PLB1: variants seen among roughly 807,000 people sequenced by gnomAD.
PLB1 encodes phospholipase B1, membrane-associated.
Under a neutral mutation model 227.4 loss-of-function variants are expected in PLB1, and 242 were observed. The observed-to-expected ratio is 1.06, with a 90% confidence interval of 0.96 to 1.18. PLB1 has a LOEUF of 1.18. Ranked by LOEUF, PLB1 falls within the 50% of genes most tolerant of loss-of-function variation. The probability of loss-of-function intolerance (pLI) is 0.00; values close to 1 mark genes in which losing one functional copy is unlikely to be tolerated. For synonymous variants in PLB1, 757 were observed against 682.2 expected (o/e 1.11, Z -1.71); for missense variants, 1,858 against 1,816.3 (o/e 1.02, Z -0.42).
At position 28,566,815 on chromosome 2, in the gene PLB1, A is replaced by T; in HGVS notation, c.1300A>T (p.Ile434Phe). ...TTACAGCGTCGGCGGAGATGAGAAC[A>T]TCGGCACCGTTACCACCCTGGCGAG... is the stretch of plus-strand genomic sequence containing the variant. ...LSWSVGGDENIGTVTTLANIL... is the reference protein window; with the variant it reads ...LSWSVGGDENFGTVTTLANIL... Residue 434 changes from isoleucine to phenylalanine, a missense_variant, in exon 20 of 58, where the codon ATC (isoleucine) becomes TTC (phenylalanine). Coordinates refer to ENST00000327757, the MANE Select transcript of PLB1 (RefSeq NM_153021.5). 31 of 1,614,094 alleles carry T rather than the reference A, an allele frequency of 1.9e-5. No individual in the cohort carries two copies. Among genetic ancestry groups the T allele is most frequent in the Non-Finnish European group, 2.6e-5 (31 of 1,180,012 alleles).
intron 20 of PLB1, 21 bp downstream of exon 20, chr2:28,566,860 G>A (rs1291314541): frequency 2.5e-6 from 4 of 1,613,724 alleles, no homozygotes; most frequent in Non-Finnish European, 2.5e-6. Context: ...GGCGGCGGCC[G>A]GGATGTTTGG....
At chr2:28,592,538 C>T in intron 31 of PLB1, 123 bp from the exon 32 acceptor site, 1 of 958,806 alleles carries the variant, frequency 1.0e-6, no homozygotes, top group Non-Finnish European at 1.7e-6. Context: ...TGTGCACACC[C>T]AGCCCTGCAT....
intron 52 of PLB1, 92 bp from the exon 53 acceptor site, chr2:28,629,002 T>G: frequency 2.9e-6 from 3 of 1,050,808 alleles, no homozygotes; most frequent in Non-Finnish European, 4.2e-6. Flanking sequence ...ATTGGTAAAA[T>G]TGAGGGGAGT....
chr2:28,511,482 T>A (rs1205347105), intron 1 of PLB1, among the ~76,000 whole-genome samples: 1 of 152,234 alleles, frequency 6.6e-6, no homozygotes, highest in Non-Finnish European at 1.5e-5. Flanking sequence ...CATTCCTTTT[T>A]ACATCACCAA....
intron 32 of PLB1, among the ~76,000 whole-genome samples, chr2:28,593,380 G>A (rs1157397128): frequency 1.3e-5 from 2 of 152,226 alleles, no homozygotes; most frequent in South Asian, 2.1e-4. Context: ...TCTCACGTTT[G>A]TAAAACACTT....
intron 1 of PLB1, among the ~76,000 whole-genome samples, chr2:28,512,688 C>CTTTT (rs34213887): frequency 7.0e-6 from 1 of 143,142 alleles, no homozygotes; most frequent in African/African-American, 2.6e-5. Context: ...TTTCTTTCTT[C>CTTTT]TTTTTTTTTT....
intron 2 of PLB1, among the ~76,000 whole-genome samples, chr2:28,517,693 T>C (rs1669012793): frequency 6.6e-6 from 1 of 152,236 alleles, no homozygotes; most frequent in Non-Finnish European, 1.5e-5. Context: ...TTTCTTGTTT[T>C]AGTCAAGGTA....
Position 28,526,703 on chromosome 2 carries a change from C to T in PLB1, c.325+758C>T, listed in dbSNP as rs909288282. Reference sequence around the variant, plus strand: ...CGCCGTCCGTATTAGAGCAAGAAGACGTAGATTACAATGCAAGTGCTCTGC... The same window carrying T: ...CGCCGTCCGTATTAGAGCAAGAAGATGTAGATTACAATGCAAGTGCTCTGC... On this transcript the variant is annotated intron_variant, in intron 6 of 57. Transcript: ENST00000327757. Among the ~76,000 whole-genome samples, 5 of 152,228 alleles carry T rather than the reference C, an allele frequency of 3.3e-5. No homozygotes were observed. In the South Asian group the frequency reaches 8.3e-4, roughly 25 times the overall value.
chr2:28,522,058 C>T (rs1176922606), intron 4 of PLB1, among the ~76,000 whole-genome samples: 1 of 152,166 alleles, frequency 6.6e-6, no homozygotes, highest in East Asian at 1.9e-4. Context: ...CTGTCTTCTA[C>T]CTTCTCCTCA....
chr2:28,546,621 CTG>C (rs1165201832), intron 14 of PLB1, among the ~76,000 whole-genome samples: 3 of 152,128 alleles, frequency 2.0e-5, no homozygotes, highest in Non-Finnish European at 2.9e-5. Flanking sequence ...TTTGAAGTAA[CTG>C]TGTCATTTCC....
At position 28,643,641 on chromosome 2, in the gene PLB1, G is replaced by A. The variant is rs1690201019; in HGVS notation, c.*580G>A. 6.6e-6 allele frequency: 1 copy of A among 152,268 alleles called. No individual in the cohort carries two copies. The highest frequency in any genetic ancestry group is 1.5e-5 in the Non-Finnish European group (1 of 68,066). 9.4% of individuals were successfully genotyped at this position (152,268 alleles called of 1,614,324 possible). On this transcript the variant is annotated 3_prime_UTR_variant, in exon 58 of 58. Coordinates refer to ENST00000327757, the MANE Select transcript of PLB1 (RefSeq NM_153021.5). ...TCCTTCAATAACCAAGAAGCCACGT[G>A]ATGATGTGTAACTACTAGGGCATCA...
intron 18 of PLB1, among the ~76,000 whole-genome samples, chr2:28,564,774 A>G (rs1212293760): frequency 6.6e-6 from 1 of 152,222 alleles, no homozygotes; most frequent in Admixed American, 6.5e-5. Context: ...AAAGTGCTTT[A>G]GGCAAGGGAC....
In PLB1 at chr2:28,566,818, G is replaced by A. The variant is rs752037148; in HGVS notation, c.1303G>A (p.Gly435Ser). ...CAGCGTCGGCGGAGATGAGAACATC[G>A]GCACCGTTACCACCCTGGCGAGTGA... ...SWSVGGDENI[G>S]TVTTLANILR... Residue 435 changes from glycine to serine, a missense_variant, in exon 20 of 58, where the codon GGC (glycine) becomes AGC (serine). Transcript: ENST00000327757. 1.2e-6 allele frequency: 2 copies of A among 1,613,970 alleles called. No homozygotes were observed. The highest frequency in any genetic ancestry group is 1.7e-6 in the Non-Finnish European group (2 of 1,180,026).
intron 26 of PLB1, among the ~76,000 whole-genome samples, chr2:28,587,280 A>G (rs1681057520): frequency 6.6e-6 from 1 of 152,212 alleles, no homozygotes; most frequent in South Asian, 2.1e-4. Context: ...CTATGCCATC[A>G]GGAATCATGG....
In PLB1 at chr2:28,541,786, A is replaced by C. The variant is rs150097410; in HGVS notation, c.854A>C (p.Tyr285Ser). 1 of 1,613,478 alleles carries C rather than the reference A, an allele frequency of 6.2e-7. No homozygotes were observed. The highest frequency in any genetic ancestry group is 8.5e-7 in the Non-Finnish European group (1 of 1,179,744). Residue 285 changes from tyrosine (Y) to serine (S), a missense_variant, in exon 13 of 58, where the codon TAT (tyrosine) becomes TCT (serine). Transcript: ENST00000327757. Reference sequence around the variant, plus strand: ...ACCGTGGTTTTCCAGCCTTTCTTCTATGAGACCACCCCATCTCTACACTCG... The same window carrying C: ...ACCGTGGTTTTCCAGCCTTTCTTCTCTGAGACCACCCCATCTCTACACTCG... Reference protein sequence around the residue: ...SFTVVFQPFFYETTPSLHSED... With the variant: ...SFTVVFQPFFSETTPSLHSED...
At chr2:28,571,726 A>G (rs1055306537) in intron 20 of PLB1, among the ~76,000 whole-genome samples, 15 of 152,192 alleles carry the variant, frequency 9.9e-5, no homozygotes, top group Non-Finnish European at 2.2e-4. Flanking sequence ...TGCTGAGACA[A>G]CTAGATAGTT....
intron 17 of PLB1, among the ~76,000 whole-genome samples, chr2:28,556,798 A>G (rs1370638114): frequency 5.3e-5 from 8 of 152,242 alleles, no homozygotes; most frequent in Non-Finnish European, 1.2e-4. Context: ...AAAGCTAATT[A>G]CATGCTGCTG....
chr2:28,580,716 A>G (rs1389426363), intron 23 of PLB1, among the ~76,000 whole-genome samples: 1 of 151,058 alleles, frequency 6.6e-6, no homozygotes, highest in African/African-American at 2.4e-5. Context: ...TCCATCTCAA[A>G]AAAAAAAAAA....
intron 17 of PLB1, among the ~76,000 whole-genome samples, chr2:28,554,518 T>TTTTTTTTA (rs1674744531): frequency 3.0e-5 from 4 of 131,816 alleles, no homozygotes; most frequent in African/African-American, 1.1e-4. Context: ...TTTTTTTTTT[T>TTTTTTTTA]AAGAGATGGG....
Sources: gnomAD v4.1 joint callset for allele counts (sites outside exome capture counted in the v4.1 genomes callset) on GRCh38, gnomAD v4.1.1 for gene constraint, MANE v1.5 for transcripts, NCBI Gene and HGNC (gene_info 2026-07-23, HGNC 2026-07-21) for gene names.